Variants in SYT1 observed in about 807,000 individuals in gnomAD.
SYT1 encodes the protein synaptotagmin-1.
In SYT1, 8 loss-of-function variants were observed where a neutral mutation model predicts 44.8. The observed-to-expected ratio is 0.18, with a 90% CI of 0.10 to 0.32. The LOEUF (loss-of-function observed/expected upper bound fraction) is 0.32, where lower values mean the gene tolerates loss of function less well. Among genes scored for constraint, SYT1 ranks in the 10% least tolerant of loss-of-function variants. The pLI is 1.00. For missense variants in SYT1, 286 were observed against 509.3 expected (o/e 0.56, Z 4.22); for synonymous variants, 154 against 188.8 (o/e 0.82, Z 1.51).
At chr12:79,402,164 C>G (rs1358409935) in intron 9 of SYT1, among the ~76,000 whole-genome samples, 1 of 152,122 alleles carries the variant, frequency 6.6e-6, no homozygotes, top group Non-Finnish European at 1.5e-5. Flanking sequence ...CTCCACCCAT[C>G]GCAAGCTCAG....
chr12:78,951,305 T>C (rs1031271151), intron 1 of SYT1, among the ~76,000 whole-genome samples: 3 of 152,108 alleles, frequency 2.0e-5, no homozygotes, highest in Admixed American at 6.6e-5. Flanking sequence ...ACAAAACTTA[T>C]GAAACAATTA....
intron 4 of SYT1, among the ~76,000 whole-genome samples, chr12:79,247,630 G>A (rs561429459): frequency 2.6e-5 from 4 of 152,248 alleles, no homozygotes; most frequent in Admixed American, 6.5e-5. Context: ...CACATTGGCC[G>A]TGGATCTCTA....
At position 79,306,129 on chromosome 12, in the gene SYT1, G is replaced by A. The variant is rs149024445; in HGVS notation, c.810+6578G>A. On this transcript the variant is annotated intron_variant, in intron 8 of 10. Coordinates refer to ENST00000261205, the MANE Select transcript of SYT1 (RefSeq NM_005639.3). ...ATTGTCTGTTTTGTTTATCTACTTA[G>A]GCCCAGCACATTGCACTGTGACTGC... Among the ~76,000 whole-genome samples, 439 of 152,248 alleles carry A rather than the reference G, an allele frequency of 2.9e-3. 2 individuals are homozygous for A. The highest frequency in any genetic ancestry group is 9.8e-3 in the African/African-American group (408 of 41,538).
chr12:79,050,893 G>C (rs1385248121), intron 3 of SYT1, among the ~76,000 whole-genome samples: 1 of 152,026 alleles, frequency 6.6e-6, no homozygotes, highest in Non-Finnish European at 1.5e-5. Flanking sequence ...CTGTGAGTGT[G>C]TGTAATAGTG....
chr12:78,866,969 C>T (rs952616674), intron 1 of SYT1, among the ~76,000 whole-genome samples: 3 of 151,732 alleles, frequency 2.0e-5, no homozygotes, highest in Non-Finnish European at 4.4e-5. Flanking sequence ...TTTTCCAAAC[C>T]ATTTTGCATT....
At chr12:79,183,938 T>A (rs570682201) in intron 3 of SYT1, among the ~76,000 whole-genome samples, 9 of 152,032 alleles carry the variant, frequency 5.9e-5, no homozygotes, top group Non-Finnish European at 1.0e-4. Flanking sequence ...TTTGTACCCT[T>A]AGCAGCTCAC....
In SYT1 at chr12:79,111,543, C is replaced by A. The variant is rs373401042; in HGVS notation, c.-18+64181C>A. On this transcript the variant is annotated intron_variant, in intron 3 of 10. Coordinates refer to ENST00000261205, the MANE Select transcript of SYT1 (RefSeq NM_005639.3). The stretch of plus-strand genomic sequence containing the variant: ...ACTTTTAAAACTATCACGATGCCTC[C>A]CACAGACTCAACACTCAAGAAGTAT... 2.0e-5 allele frequency among the ~76,000 whole-genome samples: 3 copies of A among 151,984 alleles called. No individual in the cohort carries two copies. In the South Asian group the frequency reaches 6.2e-4, roughly 32 times the overall value.
In SYT1 at chr12:79,091,013, CTT is replaced by C. The variant is rs143803208; in HGVS notation, c.-18+43652_-18+43653del. 8.2e-3 allele frequency among the ~76,000 whole-genome samples: 1,239 copies of C among 151,934 alleles called. 18 individuals are homozygous for C. The highest frequency in any genetic ancestry group is 0.029 in the African/African-American group (1,183 of 41,484). On this transcript the variant is annotated intron_variant, in intron 3 of 10. Transcript: ENST00000261205. Reference sequence around the variant, plus strand: ...TCAGAGAAACCGTCTGCCTGCATCCCTTGTTTGCTTTATTAATATATACATGT... The same window carrying C: ...TCAGAGAAACCGTCTGCCTGCATCCCGTTTGCTTTATTAATATATACATGT...
intron 9 of SYT1, among the ~76,000 whole-genome samples, chr12:79,395,970 C>G (rs1023012281): frequency 4.6e-5 from 7 of 152,166 alleles, no homozygotes; most frequent in Non-Finnish European, 8.8e-5. Flanking sequence ...TGTTATCATA[C>G]TATGGCTGCA....
intron 4 of SYT1, among the ~76,000 whole-genome samples, chr12:79,239,909 G>C (rs551295982): frequency 6.6e-6 from 1 of 152,314 alleles, no homozygotes; most frequent in Admixed American, 6.5e-5. Flanking sequence ...TTCAAGGCCA[G>C]TGGAACATCT....
rs142094828 is a variant in SYT1, at chr12:79,313,997, G to A, written c.810+14446G>A. Among the ~76,000 whole-genome samples the A allele has an allele frequency of 7.5e-3, 1,124 of 149,788 alleles. 46 individuals carry two copies. Among genetic ancestry groups the A allele is most frequent in the African/African-American group, 0.026 (1,038 of 39,708 alleles). On this transcript the variant is annotated intron_variant, in intron 8 of 10. Transcript: ENST00000261205. ...ATCCTGGTTAACACGGTGAAACCCC[G>A]TCTCTACTAAAAATACAAAAAATTA... is the stretch of plus-strand genomic sequence containing the variant.
At chr12:78,903,077 A>G (rs1875752735) in intron 1 of SYT1, among the ~76,000 whole-genome samples, 1 of 152,130 alleles carries the variant, frequency 6.6e-6, no homozygotes, top group Non-Finnish European at 1.5e-5. Flanking sequence ...AAAATTGTCA[A>G]AATTCATTTA....
At chr12:78,985,254 A>AAATAT (rs969593968) in intron 2 of SYT1, among the ~76,000 whole-genome samples, 263 of 152,098 alleles carry the variant, frequency 1.7e-3, no homozygotes, top group African/African-American at 5.7e-3. Context: ...ATTTATACAT[A>AAATAT]AGTATTAAAA....
At chr12:79,419,167 A>G (rs1868940682) in intron 9 of SYT1, 1 of 444,370 alleles carries the variant, frequency 2.3e-6, no homozygotes, top group Non-Finnish European at 4.5e-6. Flanking sequence ...GAAGGGACTA[A>G]TGATTCTATA....
At chr12:79,008,998 T>C (rs528067132) in intron 2 of SYT1, among the ~76,000 whole-genome samples, 1 of 152,306 alleles carries the variant, frequency 6.6e-6, no homozygotes, top group South Asian at 2.1e-4. Flanking sequence ...GCTCTAACCA[T>C]GTTTATGGTT....
Position 79,084,118 on chromosome 12 carries a change from A to G in SYT1, c.-18+36756A>G, listed in dbSNP as rs545042506. On this transcript the variant is annotated intron_variant, in intron 3 of 10. Coordinates refer to ENST00000261205, the MANE Select transcript of SYT1 (RefSeq NM_005639.3). ...CTATTTACCAGATGTGAATTTTTTA[A>G]AAGAGTTATTTCTCCTTTTAAAGAT... Among the ~76,000 whole-genome samples the G allele has an allele frequency of 4.6e-5, 7 of 152,216 alleles. 1 individual carries two copies. The highest frequency in any genetic ancestry group is 6.8e-3 in the Middle Eastern group (2 of 294).
At chr12:78,937,007 A>G (rs1878099528) in intron 1 of SYT1, among the ~76,000 whole-genome samples, 1 of 151,736 alleles carries the variant, frequency 6.6e-6, no homozygotes, top group South Asian at 2.1e-4. Context: ...GGTCCTTGAG[A>G]AAGACATTTC....
At chr12:79,391,084 C>T (rs1322278355) in intron 9 of SYT1, among the ~76,000 whole-genome samples, 1 of 152,174 alleles carries the variant, frequency 6.6e-6, no homozygotes. Flanking sequence ...AACCTCAGTC[C>T]TCTCATCTCA....
At chr12:78,882,155 A>C (rs964561764) in intron 1 of SYT1, among the ~76,000 whole-genome samples, 1 of 151,852 alleles carries the variant, frequency 6.6e-6, no homozygotes, top group Non-Finnish European at 1.5e-5. Flanking sequence ...GTAGATGTTC[A>C]AAAAACGTTT....
Sources: allele counts gnomAD v4.1 joint callset (sites outside exome capture counted in the v4.1 genomes callset), GRCh38; gene constraint gnomAD v4.1.1; transcripts MANE v1.5; gene names NCBI Gene and HGNC (gene_info 2026-07-23, HGNC 2026-07-21).